Variants in PRICKLE2 observed in about 807,000 individuals in gnomAD.
PRICKLE2 encodes prickle-like protein 2.
Under a neutral mutation model 81.4 loss-of-function variants are expected in PRICKLE2, and 21 were observed. The ratio of observed to expected loss-of-function variants is 0.26; its 90% CI spans 0.18 to 0.37. The LOEUF (loss-of-function observed/expected upper bound fraction) is 0.37, where lower values mean the gene tolerates loss of function less well. Among genes scored for constraint, PRICKLE2 ranks in the 10% least tolerant of loss-of-function variants. The probability of loss-of-function intolerance (pLI) is 1.00; values close to 1 mark genes in which losing one functional copy is unlikely to be tolerated. For missense variants in PRICKLE2, 940 were observed against 1,109.0 expected, an observed-to-expected ratio of 0.85 and a Z score of 2.16; for synonymous variants, 456 against 421.5, an observed-to-expected ratio of 1.08 and a Z score of -1.00.
At chr3:64,220,565 C>T (rs1231996703) in intron 1 of PRICKLE2, among the ~76,000 whole-genome samples, 1 of 152,220 alleles carries the variant, frequency 6.6e-6, no homozygotes, top group Non-Finnish European at 1.5e-5. Context: ...AGCTCAAACA[C>T]ATACAGCAGC....
intron 7 of PRICKLE2, among the ~76,000 whole-genome samples, chr3:64,120,477 C>T (rs901230391): frequency 3.9e-5 from 6 of 152,068 alleles, no homozygotes; most frequent in Non-Finnish European, 5.9e-5. Flanking sequence ...GGGTAGGAGT[C>T]AGTGATGGAG....
At chr3:64,228,199 G>T (rs1381273551), upstream of PRICKLE2, among the ~76,000 whole-genome samples, 1 of 152,152 alleles carries the variant, frequency 6.6e-6, no homozygotes, top group Admixed American at 6.5e-5. Flanking sequence ...AGGGTCTGGG[G>T]ACAACATGGT....
At chr3:64,262,305 G>C (rs559211200) in intron 2 of PRICKLE2, among the ~76,000 whole-genome samples, 35 of 152,208 alleles carry the variant, frequency 2.3e-4, no homozygotes, top group African/African-American at 8.2e-4. Flanking sequence ...ACAATCAAAG[G>C]TGCCAAAAGT....
At chr3:64,267,909 C>G (rs1395750313) in intron 2 of PRICKLE2, 2 of 152,336 alleles carry the variant, frequency 1.3e-5, no homozygotes, top group Admixed American at 6.5e-5. Flanking sequence ...CCGGCTTAGC[C>G]TTGCATTGCT....
At chr3:64,118,036 A>G (rs1314590748) in intron 7 of PRICKLE2, among the ~76,000 whole-genome samples, 1 of 152,224 alleles carries the variant, frequency 6.6e-6, no homozygotes, top group African/African-American at 2.4e-5. Flanking sequence ...TAGGAAACAC[A>G]GAAGTAAGGC....
At chr3:64,251,718 G>GT (rs2079449332) in intron 2 of PRICKLE2, among the ~76,000 whole-genome samples, 1 of 152,190 alleles carries the variant, frequency 6.6e-6, no homozygotes, top group Non-Finnish European at 1.5e-5. Context: ...TGATTTGCAA[G>GT]TCTCAAGTGT....
chr3:64,142,786 T>C (rs2077384101), intron 7 of PRICKLE2, among the ~76,000 whole-genome samples: 1 of 152,220 alleles, frequency 6.6e-6, no homozygotes, highest in Non-Finnish European at 1.5e-5. Context: ...TCAAAGACTA[T>C]ATTAATGATT....
chr3:64,210,948 G>A (rs1477689268), intron 1 of PRICKLE2, among the ~76,000 whole-genome samples: 1 of 152,162 alleles, frequency 6.6e-6, no homozygotes, highest in African/African-American at 2.4e-5. Flanking sequence ...AAGTGGGGAA[G>A]GGTAGGATGC....
Position 64,147,000 on chromosome 3 carries a change from C to T in PRICKLE2, c.1490G>A (p.Ser497Asn). The T allele has an allele frequency of 2.5e-6, 4 of 1,614,118 alleles. No individual in the cohort carries two copies. The highest frequency in any genetic ancestry group is 3.3e-4 in the Middle Eastern group (2 of 6,062). The change falls in exon 7 of 8, where the codon AGC becomes AAC. Residue 497 changes from serine to asparagine, a missense_variant. Around this residue, in one of 2 missense-constraint regions of PRICKLE2, gnomAD observed 670 missense variants for 717.2 expected, o/e 0.93. Coordinates refer to ENST00000638394, the MANE Select transcript of PRICKLE2 (RefSeq NM_198859.4). Reference protein sequence around the residue: ...SSQSFSETRGSIQVPKYEEEE... With the variant: ...SSQSFSETRGNIQVPKYEEEE... ...CTCCTCATATTTGGGGACTTGGATG[C>T]TGCCTCGGGTCTCACTGAAACTCTG...
At chr3:64,168,800 C>T (rs1349431166) in intron 2 of PRICKLE2, among the ~76,000 whole-genome samples, 1 of 152,174 alleles carries the variant, frequency 6.6e-6, no homozygotes, top group Non-Finnish European at 1.5e-5. Context: ...AATAGGTCTG[C>T]GTGGCTGACC....
chr3:64,210,143 C>T (rs960019402), intron 1 of PRICKLE2, among the ~76,000 whole-genome samples: 5 of 152,074 alleles, frequency 3.3e-5, no homozygotes, highest in African/African-American at 9.7e-5. Context: ...GGGGACGGTG[C>T]CATTTTAGTG....
chr3:64,250,365 T>C (rs1423659156), intron 2 of PRICKLE2, among the ~76,000 whole-genome samples: 1 of 152,190 alleles, frequency 6.6e-6, no homozygotes, highest in Non-Finnish European at 1.5e-5. Context: ...AAAAGATGTC[T>C]CCAGACATTA....
In PRICKLE2 at chr3:64,126,556, C is replaced by T. The variant is rs147195540; in HGVS notation, c.1660+20274G>A. 2.2e-3 allele frequency among the ~76,000 whole-genome samples: 340 copies of T among 152,252 alleles called. 2 individuals carry two copies. Among genetic ancestry groups the T allele is most frequent in the African/African-American group, 7.7e-3 (319 of 41,552 alleles). ...TGGAGTCGGGCTGCCTCTCATTAGC[C>T]ATGTGACTGTGGGCAGGTTTCTTTT... is the stretch of plus-strand genomic sequence containing the variant. On this transcript the variant is annotated intron_variant, in intron 7 of 7. Coordinates refer to ENST00000638394, the MANE Select transcript of PRICKLE2 (RefSeq NM_198859.4).
chr3:64,170,980 T>C (rs1316357489), intron 2 of PRICKLE2, among the ~76,000 whole-genome samples: 1 of 152,228 alleles, frequency 6.6e-6, no homozygotes, highest in Non-Finnish European at 1.5e-5. Flanking sequence ...AAGTCTTCAC[T>C]ATAGCACCAT....
upstream of PRICKLE2, among the ~76,000 whole-genome samples, chr3:64,225,927 G>A (rs995880837): frequency 2.7e-5 from 4 of 150,146 alleles, no homozygotes; most frequent in Non-Finnish European, 4.4e-5. Context: ...TTTCATTTTC[G>A]GGTGTTGCTT....
intron 2 of PRICKLE2, among the ~76,000 whole-genome samples, chr3:64,243,413 T>C (rs2079297806): frequency 6.6e-6 from 1 of 152,200 alleles, no homozygotes; most frequent in Non-Finnish European, 1.5e-5. Context: ...AATTGCCAAA[T>C]ATTCTTGACG....
intron 2 of PRICKLE2, among the ~76,000 whole-genome samples, chr3:64,240,325 G>T (rs1360355127): frequency 6.6e-6 from 1 of 152,078 alleles, no homozygotes; most frequent in East Asian, 1.9e-4. Flanking sequence ...GCTTGTCAGT[G>T]AATGAAGGAT....
At chr3:64,202,566 A>G (rs1009957725) in intron 1 of PRICKLE2, among the ~76,000 whole-genome samples, 2 of 151,982 alleles carry the variant, frequency 1.3e-5, no homozygotes, top group African/African-American at 4.8e-5. Context: ...TAGAAACATA[A>G]ATGATATTTA....
chr3:64,115,566 A>G (rs1325171601), intron 7 of PRICKLE2, among the ~76,000 whole-genome samples: 1 of 152,218 alleles, frequency 6.6e-6, no homozygotes, highest in Non-Finnish European at 1.5e-5. Context: ...CTGACAAAAC[A>G]GAGTTTAAGC....
Sources: gnomAD v4.1 joint callset for allele counts (sites outside exome capture counted in the v4.1 genomes callset) on GRCh38, gnomAD v4.1.1 for gene constraint, gnomAD v4.1.1 regional missense constraint, MANE v1.5 for transcripts, NCBI Gene and HGNC (gene_info 2026-07-23, HGNC 2026-07-21) for gene names.